Variants in RBM33 observed in about 807,000 individuals in gnomAD.
RBM33 encodes RNA-binding protein 33.
In RBM33, 28 loss-of-function variants were observed where a neutral mutation model predicts 132.6. That is an observed-to-expected ratio of 0.21 (90% confidence interval 0.16 to 0.29). The LOEUF (loss-of-function observed/expected upper bound fraction) is 0.29. RBM33 is among the 10% of genes least tolerant of loss of function. RBM33 has a pLI of 1.00. For synonymous variants in RBM33, 634 were observed against 593.0 expected (o/e 1.07, Z -1.01); for missense variants, 1,291 against 1,518.5 (o/e 0.85, Z 2.49).
chr7:155,665,139 C>G (rs1191070299), intron 1 of RBM33, 36 bp from the exon 2 acceptor site: 7 of 1,574,284 alleles, frequency 4.4e-6, no homozygotes, highest in Non-Finnish European at 6.1e-6. Context: ...TCTATTTTAA[C>G]TTAGTAAAAC....
intron 7 of RBM33, 60 bp downstream of exon 7, chr7:155,707,128 T>G: frequency 2.2e-6 from 3 of 1,335,726 alleles, no homozygotes. Flanking sequence ...AGTAAGCTTT[T>G]GTGGGTATCC....
Position 155,745,159 on chromosome 7 carries a change from C to A in RBM33, c.2536C>A (p.Gln846Lys). ...APPPPAEQEE[Q>K]ALSPSPTNGN... The stretch of plus-strand genomic sequence containing the variant: ...CCCACCCCCAGCAGAGCAGGAAGAG[C>A]AGGCACTGTCACCATCACCCACCAA... Residue 846 changes from glutamine (Q) to lysine (K), a missense_variant, in exon 14 of 18, where the codon CAG becomes AAG. This residue lies in a region of RBM33 where 841 missense variants were observed against 912.0 expected (regional missense o/e 0.92). Coordinates refer to ENST00000401878, the MANE Select transcript of RBM33 (RefSeq NM_053043.3). This position sits in a 1 kb window ranked among gnomAD's most constrained non-coding sequence, Gnocchi z 4.1. The A allele has an allele frequency of 1.2e-6, 2 of 1,607,684 alleles. No individual in the cohort carries two copies. Among genetic ancestry groups the A allele is most frequent in the Non-Finnish European group, 1.7e-6 (2 of 1,176,792 alleles).
At chr7:155,705,149 C>A (rs1251834446) in intron 6 of RBM33, among the ~76,000 whole-genome samples, 1 of 152,106 alleles carries the variant, frequency 6.6e-6, no homozygotes, top group Non-Finnish European at 1.5e-5. Flanking sequence ...GGACATAGTT[C>A]AGAAAACACT....
chr7:155,752,926 C>T (rs950935150), intron 14 of RBM33, among the ~76,000 whole-genome samples: 6 of 152,094 alleles, frequency 3.9e-5, no homozygotes, highest in South Asian at 2.1e-4. Context: ...TTTTCAGAGC[C>T]GGCTCCTGAT....
chr7:155,775,085 G>A lies in RBM33; in HGVS notation c.*44G>A. ...GACCTTAGGCTGTACACACACTGTG[G>A]AATTTCTTCAAGGGAGCTGCCGGCC... On this transcript the variant is annotated 3_prime_UTR_variant, in exon 18 of 18. Coordinates refer to ENST00000401878, the MANE Select transcript of RBM33 (RefSeq NM_053043.3). The A allele has an allele frequency of 6.4e-7, 1 of 1,569,094 alleles. No individual in the cohort carries two copies. Among genetic ancestry groups the A allele is most frequent in the Non-Finnish European group, 8.8e-7 (1 of 1,138,942 alleles).
intron 3 of RBM33, among the ~76,000 whole-genome samples, chr7:155,677,172 G>A (rs1177306067): frequency 6.6e-6 from 1 of 151,604 alleles, no homozygotes; most frequent in Non-Finnish European, 1.5e-5. Flanking sequence ...GGCCCTGTGT[G>A]GATGACAGAT....
rs1218177277 is a variant in RBM33 at position 155,734,154 on chromosome 7, G to A, written c.1261-3376G>A. ...AAGAACATCGACAGACCCACTCTTT[G>A]TGAGTTGGCTTGGACCTTGAGGATG... On this transcript the variant is annotated intron_variant, in intron 9 of 17. Transcript: ENST00000401878. Among the ~76,000 whole-genome samples the A allele has an allele frequency of 3.9e-5, 6 of 152,364 alleles. No homozygotes were observed. In the East Asian group the frequency reaches 1.2e-3, roughly 29 times the overall value.
In RBM33 at chr7:155,707,143, A is replaced by G. The variant is rs959688392; in HGVS notation, c.948+75A>G. On this transcript the variant is annotated intron_variant, in intron 7 of 17. Transcript: ENST00000401878. ...AGTAAGCTTTTGTGGGTATCCTAGT[A>G]TACATTTCTCTCTTCTTAGTCTGAA... The G allele has an allele frequency of 3.0e-5, 37 of 1,218,838 alleles. No individual in the cohort carries two copies. The East Asian group carries it at 5.3e-4, about 18-fold the overall frequency. 75.5% of individuals were successfully genotyped at this position (1,218,838 alleles called of 1,614,324 possible).
intron 3 of RBM33, among the ~76,000 whole-genome samples, chr7:155,673,489 T>C (rs569363485): frequency 3.9e-4 from 58 of 148,244 alleles, no homozygotes; most frequent in African/African-American, 1.4e-3. Flanking sequence ...TGTGTATATA[T>C]ATACACACAT....
intron 5 of RBM33, chr7:155,685,075 GAGTAAAA>G: frequency 6.5e-7 from 1 of 1,544,472 alleles, no homozygotes; most frequent in Non-Finnish European, 8.7e-7. Flanking sequence ...CTTTTAAAAA[GAGTAAAA>G]AGTTTGCTGT....
At chr7:155,678,547 C>T (rs1049939149) in intron 3 of RBM33, 61 bp from the exon 4 acceptor site, 188 of 1,112,250 alleles carry the variant, frequency 1.7e-4, no homozygotes, top group Non-Finnish European at 2.4e-4. Flanking sequence ...TAATTTTGTG[C>T]TTTTTAACAA....
At chr7:155,665,981 C>T (rs1283087697) in intron 2 of RBM33, among the ~76,000 whole-genome samples, 2 of 152,202 alleles carry the variant, frequency 1.3e-5, no homozygotes, top group African/African-American at 4.8e-5. Flanking sequence ...ACGGCAGTGT[C>T]ACATCTGGAA....
chr7:155,722,890 T>C (rs761760835), intron 9 of RBM33, among the ~76,000 whole-genome samples: 2 of 152,224 alleles, frequency 1.3e-5, no homozygotes, highest in African/African-American at 2.4e-5. Flanking sequence ...GGGCAAATAG[T>C]GATATTTCAG....
chr7:155,682,652 AC>A (rs1307129259), intron 5 of RBM33, among the ~76,000 whole-genome samples: 1 of 152,148 alleles, frequency 6.6e-6, no homozygotes. Flanking sequence ...ATATTGCTAA[AC>A]CGTGTCATGA....
intron 9 of RBM33, among the ~76,000 whole-genome samples, chr7:155,729,227 C>T (rs756189619): frequency 6.6e-6 from 1 of 152,010 alleles, no homozygotes; most frequent in Non-Finnish European, 1.5e-5. Context: ...GGAAACTGCC[C>T]CCATGATCCA....
At chr7:155,769,437 C>G (rs1043868752) in intron 16 of RBM33, among the ~76,000 whole-genome samples, 1 of 152,204 alleles carries the variant, frequency 6.6e-6, no homozygotes, top group African/African-American at 2.4e-5. Flanking sequence ...GGGCTGCCGT[C>G]CCCCAGAGGC....
chr7:155,770,331 C>T (rs1802378070), intron 16 of RBM33, among the ~76,000 whole-genome samples: 1 of 152,214 alleles, frequency 6.6e-6, no homozygotes, highest in Non-Finnish European at 1.5e-5. Context: ...GCCCTATTTC[C>T]AACAGGAGGT....
At chr7:155,684,114 T>G (rs940883567) in intron 5 of RBM33, among the ~76,000 whole-genome samples, 5 of 152,232 alleles carry the variant, frequency 3.3e-5, no homozygotes, top group African/African-American at 1.2e-4. Context: ...AGGTGGTTTG[T>G]CACCTTAAAT....
intron 5 of RBM33, 84 bp from the exon 6 acceptor site, chr7:155,700,689 T>G: frequency 9.7e-7 from 1 of 1,036,088 alleles, no homozygotes; most frequent in South Asian, 1.7e-5. Context: ...TATAAACAAT[T>G]AAATATTTTA....
Sources: allele counts gnomAD v4.1 joint callset (sites outside exome capture counted in the v4.1 genomes callset), GRCh38; gene constraint gnomAD v4.1.1; regional missense constraint gnomAD v4.1.1; non-coding constraint Gnocchi (gnomAD v3.1); transcripts MANE v1.5; gene names NCBI Gene and HGNC (gene_info 2026-07-23, HGNC 2026-07-21).